Variants in HIVEP3 observed in about 807,000 individuals in gnomAD.
HIVEP3 encodes the protein transcription factor HIVEP3.
Under a neutral mutation model 152.8 loss-of-function variants are expected in HIVEP3, and 49 were observed. That is an observed-to-expected ratio of 0.32 (90% CI 0.26 to 0.41). The LOEUF (loss-of-function observed/expected upper bound fraction) is 0.41, where lower values mean the gene tolerates loss of function less well. Among genes scored for constraint, HIVEP3 ranks in the 10% least tolerant of loss-of-function variants. The pLI, the probability that HIVEP3 is intolerant of heterozygous loss-of-function variation, is 1.00. For missense variants in HIVEP3, 2,790 were observed against 3,103.3 expected, an observed-to-expected ratio of 0.90 and a Z score of 2.40; for synonymous variants, 1,269 against 1,289.0, an observed-to-expected ratio of 0.98 and a Z score of 0.33.
chr1:41,665,596 T>C (rs1026557318), intron 2 of HIVEP3, among the ~76,000 whole-genome samples: 37 of 149,934 alleles, frequency 2.5e-4, no homozygotes, highest in African/African-American at 8.7e-4. Context: ...AGTAGGGGCA[T>C]ACAAGATGGA....
intron 1 of HIVEP3, among the ~76,000 whole-genome samples, chr1:41,778,358 C>T (rs1375714587): frequency 6.6e-6 from 1 of 151,216 alleles, no homozygotes; most frequent in African/African-American, 2.4e-5. Flanking sequence ...TCTCCAGGCC[C>T]TGGTGGTAGG....
In HIVEP3 at chr1:41,918,579, C is replaced by T. The variant is rs1644910429; in HGVS notation, c.-967G>A. ...TGAAAGAATTGTCCTTAAAAAATAA[C>T]CTGTGCATACGTATGTCCATCCAGG... On this transcript the variant is annotated 5_prime_UTR_variant, in exon 1 of 9. Coordinates refer to ENST00000372583, the MANE Select transcript of HIVEP3 (RefSeq NM_024503.5). The surrounding 1 kb of genome is among the most constrained non-coding windows in gnomAD (Gnocchi z 4.3). The T allele has an allele frequency of 6.6e-6, 1 of 152,126 alleles. No individual in the cohort carries two copies. The highest frequency in any genetic ancestry group is 2.1e-4 in the South Asian group (1 of 4,830). 9.4% of individuals were successfully genotyped at this position (152,126 alleles called of 1,614,324 possible).
chr1:41,617,268 C>T (rs906916577), intron 3 of HIVEP3, among the ~76,000 whole-genome samples: 3 of 152,100 alleles, frequency 2.0e-5, no homozygotes, highest in Admixed American at 6.5e-5. Context: ...TTCCATAGGC[C>T]GGATTTCCAG....
intron 1 of HIVEP3, among the ~76,000 whole-genome samples, chr1:41,706,659 A>C (rs1042465749): frequency 2.6e-5 from 4 of 152,242 alleles, no homozygotes; most frequent in Admixed American, 2.0e-4. Context: ...TAAAGAGTGA[A>C]GATGGGTTTT....
intron 1 of HIVEP3, among the ~76,000 whole-genome samples, chr1:41,962,936 T>G (rs1645176530): frequency 6.6e-6 from 1 of 152,196 alleles, no homozygotes; most frequent in East Asian, 1.9e-4. Flanking sequence ...TTTAGCAGCC[T>G]CCCTGGCGTC....
chr1:41,908,463 G>A (rs1644748215), intron 1 of HIVEP3, among the ~76,000 whole-genome samples: 1 of 152,100 alleles, frequency 6.6e-6, no homozygotes, highest in Non-Finnish European at 1.5e-5. Flanking sequence ...ACATGTATGG[G>A]TTACATTACT....
intron 1 of HIVEP3, among the ~76,000 whole-genome samples, chr1:41,805,689 T>C (rs746688402): frequency 3.9e-5 from 6 of 152,340 alleles, no homozygotes; most frequent in Admixed American, 2.6e-4. Flanking sequence ...GTCCTCTTTG[T>C]AGACCTTGTG....
intron 1 of HIVEP3, among the ~76,000 whole-genome samples, chr1:41,995,633 G>A (rs1645391515): frequency 6.6e-6 from 1 of 152,102 alleles, no homozygotes; most frequent in Non-Finnish European, 1.5e-5. Flanking sequence ...CATCAAAAAT[G>A]CCTTGTCAGT....
chr1:41,611,898 C>A (rs186830526), intron 3 of HIVEP3, among the ~76,000 whole-genome samples: 1 of 152,210 alleles, frequency 6.6e-6, no homozygotes, highest in Non-Finnish European at 1.5e-5. Context: ...GGTCGGCTCA[C>A]CCCAGAGCAC....
rs1644461709 is a variant in HIVEP3 at position 41,583,879 on chromosome 1, G to T, written c.919C>A (p.Leu307Ile). The change falls in exon 4 of 9, where the codon CTC (leucine) becomes ATC (isoleucine). Residue 307 changes from leucine (L) to isoleucine (I), a missense_variant. Transcript: ENST00000372583. This position sits in a 1 kb window ranked among gnomAD's most constrained non-coding sequence, Gnocchi z 6.9. ...ELSPRPKQPL[L>I]SSGLYSSGSH... ...CCAGAGCTGTATAGCCCGCTGGAGA[G>T]AAGGGGCTGCTTGGGTCTTGGGGAG... 1.9e-6 allele frequency: 3 copies of T among 1,613,932 alleles called. No individual in the cohort carries two copies. Among genetic ancestry groups the T allele is most frequent in the Non-Finnish European group, 2.5e-6 (3 of 1,179,896 alleles).
chr1:41,930,291 C>T (rs952974049), intron 1 of HIVEP3, among the ~76,000 whole-genome samples: 11 of 152,146 alleles, frequency 7.2e-5, no homozygotes, highest in Admixed American at 1.3e-4. Context: ...TTGCAGTCAA[C>T]TCCAACCCAA....
intron 3 of HIVEP3, among the ~76,000 whole-genome samples, chr1:41,618,040 C>A (rs1362534254): frequency 6.6e-6 from 1 of 152,194 alleles, no homozygotes; most frequent in Non-Finnish European, 1.5e-5. Flanking sequence ...TCCTAGGAAC[C>A]ATCTTACTAG....
intron 6 of HIVEP3, among the ~76,000 whole-genome samples, chr1:41,523,238 C>T (rs1357625757): frequency 1.3e-5 from 2 of 152,178 alleles, no homozygotes; most frequent in African/African-American, 2.4e-5. Flanking sequence ...ATGTCCAGGG[C>T]GACGCATGCT....
At chr1:41,643,890 C>CTTTTTTTTTTTTT (rs58838768) in intron 2 of HIVEP3, among the ~76,000 whole-genome samples, 8 of 71,966 alleles carry the variant, frequency 1.1e-4, no homozygotes, top group East Asian at 6.4e-4. Context: ...TTCCCATCCT[C>CTTTTTTTTTTTTT]TTTTTTTTTT....
At position 41,663,004 on chromosome 1, in the gene HIVEP3, G is replaced by A. The variant is rs560169734; in HGVS notation, c.-720-34057C>T. Among the ~76,000 whole-genome samples the A allele has an allele frequency of 1.5e-3, 231 of 152,302 alleles. 1 individual carries two copies. The highest frequency in any genetic ancestry group is 5.2e-3 in the African/African-American group (216 of 41,576). On this transcript the variant is annotated intron_variant, in intron 2 of 8. Coordinates refer to ENST00000372583, the MANE Select transcript of HIVEP3 (RefSeq NM_024503.5). ...CTGGGCTCAGGCCTGGGGTGGGGGC[G>A]GGGGACACCCCGGGGCTTCCCAATG...
At chr1:41,985,303 A>G (rs773583810) in intron 1 of HIVEP3, among the ~76,000 whole-genome samples, 4 of 152,170 alleles carry the variant, frequency 2.6e-5, no homozygotes, top group Non-Finnish European at 4.4e-5. Context: ...GAACATGAAG[A>G]GTCTACTCTT....
intron 1 of HIVEP3, among the ~76,000 whole-genome samples, chr1:41,967,172 G>C (rs1645203573): frequency 6.6e-6 from 1 of 152,118 alleles, no homozygotes; most frequent in Non-Finnish European, 1.5e-5. Context: ...TTCAGGACTT[G>C]AACTCAGCTC....
intron 3 of HIVEP3, among the ~76,000 whole-genome samples, chr1:41,586,134 C>A (rs1025287020): frequency 6.6e-6 from 1 of 152,168 alleles, no homozygotes; most frequent in Non-Finnish European, 1.5e-5. Context: ...CCAGTCAGTG[C>A]CCTGGGGATG....
intron 1 of HIVEP3, among the ~76,000 whole-genome samples, chr1:41,944,682 G>A (rs11210551): frequency 0.45 from 68,537 of 151,918 alleles, 16,562 homozygotes; most frequent in East Asian, 0.72. Context: ...AGGGATGCAG[G>A]ACTGCTACAT....
Sources: gnomAD v4.1 joint callset for allele counts (sites outside exome capture counted in the v4.1 genomes callset) on GRCh38, gnomAD v4.1.1 for gene constraint, Gnocchi (gnomAD v3.1) non-coding constraint, MANE v1.5 for transcripts, NCBI Gene and HGNC (gene_info 2026-07-23, HGNC 2026-07-21) for gene names.